Variants in SCP2 observed in about 807,000 individuals in gnomAD.
SCP2 encodes the protein SCP-2/3-oxoacyl-CoA thiolase.
SCP2 carries 48 observed loss-of-function variants against 71.4 expected under a neutral mutation model. The observed-to-expected ratio is 0.67, with a 90% confidence interval of 0.53 to 0.86. The LOEUF (loss-of-function observed/expected upper bound fraction) is 0.86. Ranked by LOEUF, SCP2 falls within the 40% of genes least tolerant of loss-of-function variation. SCP2 has a pLI of 0.00. For synonymous variants in SCP2, 220 were observed against 218.1 expected (o/e 1.01, Z -0.08); for missense variants, 560 against 655.6 (o/e 0.85, Z 1.59).
chr1:52,937,022 T>C (rs962244583), intron 1 of SCP2, among the ~76,000 whole-genome samples: 1 of 152,104 alleles, frequency 6.6e-6, no homozygotes, highest in Non-Finnish European at 1.5e-5. Context: ...GAAAAAAATG[T>C]ACTTAATAAA....
intron 5 of SCP2, among the ~76,000 whole-genome samples, chr1:52,959,037 G>A (rs138428501): frequency 2.2e-3 from 335 of 152,126 alleles, no homozygotes; most frequent in African/African-American, 7.7e-3. Flanking sequence ...GTTTTAATAC[G>A]AGAATAATGC....
Position 53,028,086 on chromosome 1 carries a change from A to C in SCP2, c.1338+15A>C. Reference sequence around the variant, plus strand: ...AACTTGAAGAGGTAAGATTTATGTAAAATATTGCCAGGAAGGACCTTGAGG... The same window carrying C: ...AACTTGAAGAGGTAAGATTTATGTACAATATTGCCAGGAAGGACCTTGAGG... On this transcript the variant is annotated intron_variant, in intron 13 of 15. Transcript: ENST00000371514. 7.0e-7 allele frequency: 1 copy of C among 1,427,436 alleles called. No homozygotes were observed. The highest frequency in any genetic ancestry group is 9.9e-7 in the Non-Finnish European group (1 of 1,011,008). The allele number at this position is 1,427,436 out of a possible 1,614,324, so 88.4% of individuals were successfully genotyped here.
intron 5 of SCP2, among the ~76,000 whole-genome samples, chr1:52,957,717 T>TG (rs1169155521): frequency 6.6e-6 from 1 of 152,182 alleles, no homozygotes; most frequent in Non-Finnish European, 1.5e-5. Flanking sequence ...GTGCCTTTTG[T>TG]GGTGTATCTA....
Position 53,008,997 on chromosome 1 carries a change from G to A in SCP2, c.1082-5893G>A, listed in dbSNP as rs12027293. Among the ~76,000 whole-genome samples, 4,473 of 152,124 alleles carry A rather than the reference G, an allele frequency of 0.029. 337 individuals are homozygous for A. The East Asian group carries it at 0.32, about 11-fold the overall frequency. On this transcript the variant is annotated intron_variant, in intron 11 of 15. Coordinates refer to ENST00000371514, the MANE Select transcript of SCP2 (RefSeq NM_002979.5). ...CCTATACACCAATAACAGACAAACA[G>A]CCAAATCATGAGTGAACTCCCATTC...
chr1:53,045,472 G>A (rs1663737194), intron 14 of SCP2, among the ~76,000 whole-genome samples: 1 of 151,990 alleles, frequency 6.6e-6, no homozygotes, highest in African/African-American at 2.4e-5. Context: ...TTTCAATCTG[G>A]GAGCCTGATG....
chr1:53,024,752 A>G (rs1208543784), intron 12 of SCP2, among the ~76,000 whole-genome samples: 1 of 151,936 alleles, frequency 6.6e-6, no homozygotes, highest in East Asian at 1.9e-4. Context: ...TTGTATTTTT[A>G]GTAGAGACGG....
At chr1:52,969,193 T>A (rs1657235537) in intron 6 of SCP2, among the ~76,000 whole-genome samples, 2 of 151,660 alleles carry the variant, frequency 1.3e-5, no homozygotes, top group African/African-American at 4.8e-5. Context: ...AGTGGACCCA[T>A]GCAGCTTAAA....
At chr1:52,953,105 G>T (rs1655470436) in intron 4 of SCP2, among the ~76,000 whole-genome samples, 1 of 141,014 alleles carries the variant, frequency 7.1e-6, no homozygotes, top group Non-Finnish European at 1.5e-5. Flanking sequence ...GGAATATTTG[G>T]CTCTTCAGTT....
chr1:52,977,648 T>C (rs1423337817), intron 8 of SCP2, among the ~76,000 whole-genome samples: 1 of 152,186 alleles, frequency 6.6e-6, no homozygotes, highest in Non-Finnish European at 1.5e-5. Flanking sequence ...CAGAGGCAAA[T>C]TGGTAATTCT....
chr1:53,043,634 A>G (rs1012836471), intron 14 of SCP2, among the ~76,000 whole-genome samples: 4 of 152,208 alleles, frequency 2.6e-5, no homozygotes, highest in African/African-American at 9.6e-5. Flanking sequence ...TGTTATAAAG[A>G]TCAGATGAGA....
chr1:52,968,838 T>C (rs768402193), intron 6 of SCP2, among the ~76,000 whole-genome samples: 1 of 152,188 alleles, frequency 6.6e-6, no homozygotes, highest in Non-Finnish European at 1.5e-5. Context: ...TAGCCTGCTC[T>C]TGACCAGAAG....
intron 6 of SCP2, among the ~76,000 whole-genome samples, chr1:52,970,518 G>A (rs1657371126): frequency 6.6e-6 from 1 of 151,410 alleles, no homozygotes; most frequent in Admixed American, 6.6e-5. Flanking sequence ...CACCAAAAGG[G>A]ACCTTGCCCT....
intron 9 of SCP2, among the ~76,000 whole-genome samples, chr1:52,978,737 AT>A (rs979846288): frequency 6.6e-6 from 1 of 151,898 alleles, no homozygotes; most frequent in African/African-American, 2.4e-5. Context: ...TAATGTTTGT[AT>A]TTTTTGTAGA....
chr1:52,950,339 T>G (rs988873753), intron 3 of SCP2, among the ~76,000 whole-genome samples: 56 of 152,094 alleles, frequency 3.7e-4, no homozygotes, highest in Middle Eastern at 3.2e-3. Context: ...CCAGGATGGT[T>G]TCGACCTCCT....
chr1:52,990,514 C>T (rs544983021), intron 11 of SCP2, among the ~76,000 whole-genome samples: 23 of 151,918 alleles, frequency 1.5e-4, no homozygotes, highest in Admixed American at 2.6e-4. Context: ...CAACCAGGCA[C>T]GGTGGGTCAG....
intron 12 of SCP2, among the ~76,000 whole-genome samples, chr1:53,023,301 A>G (rs1661881779): frequency 6.6e-6 from 1 of 152,240 alleles, no homozygotes; most frequent in African/African-American, 2.4e-5. Flanking sequence ...GGGCACAATG[A>G]TGATTAAAAG....
intron 6 of SCP2, among the ~76,000 whole-genome samples, chr1:52,972,376 A>G (rs1350597827): frequency 6.6e-6 from 1 of 152,256 alleles, no homozygotes; most frequent in Non-Finnish European, 1.5e-5. Context: ...TGACTGGCAG[A>G]ATATTTTTCA....
intron 5 of SCP2, among the ~76,000 whole-genome samples, chr1:52,957,058 C>A (rs1339796609): frequency 6.6e-6 from 1 of 151,844 alleles, no homozygotes; most frequent in Non-Finnish European, 1.5e-5. Context: ...TACAGGTGCC[C>A]GCCACCACGC....
At chr1:53,028,178 T>C in intron 13 of SCP2, 107 bp downstream of exon 13, 1 of 682,460 alleles carries the variant, frequency 1.5e-6, no homozygotes, top group Non-Finnish European at 2.7e-6. Flanking sequence ...TTATATCATG[T>C]TGTCAAGTAT....
Sources: gnomAD v4.1 joint callset for allele counts (sites outside exome capture counted in the v4.1 genomes callset) on GRCh38, gnomAD v4.1.1 for gene constraint, MANE v1.5 for transcripts, NCBI Gene and HGNC (gene_info 2026-07-23, HGNC 2026-07-21) for gene names.